The following SLC39A12 variants were observed in gnomAD, a reference collection of about 807,000 sequenced individuals.
SLC39A12 encodes zinc transporter ZIP12.
In SLC39A12, 63 loss-of-function variants were observed where a neutral mutation model predicts 71.1. That is an observed-to-expected ratio of 0.89 (90% CI 0.72 to 1.09). The LOEUF is 1.09. SLC39A12 is among the 50% of genes least tolerant of loss of function. SLC39A12 has a pLI of 0.00. For synonymous variants in SLC39A12, 351 were observed against 301.3 expected (o/e 1.16, Z -1.71); for missense variants, 892 against 812.6 (o/e 1.10, Z -1.19).
chr10:17,994,286 A>C (rs1444893293), intron 9 of SLC39A12, among the ~76,000 whole-genome samples: 2 of 152,194 alleles, frequency 1.3e-5, no homozygotes, highest in Non-Finnish European at 2.9e-5. Context: ...TGAACACTCC[A>C]GCTCACTAAT....
chr10:17,972,916 C>A (rs1467208674), intron 4 of SLC39A12, among the ~76,000 whole-genome samples: 1 of 151,794 alleles, frequency 6.6e-6, no homozygotes, highest in African/African-American at 2.4e-5. Flanking sequence ...CATTTTCTTT[C>A]CTTTCTGTCT....
At chr10:17,990,060 C>T (rs879575528) in intron 7 of SLC39A12, among the ~76,000 whole-genome samples, 2 of 152,104 alleles carry the variant, frequency 1.3e-5, no homozygotes, top group Admixed American at 1.3e-4. Context: ...CATGTGATTG[C>T]CTTTTTTAGT....
chr10:17,961,082 A>G (rs1834676635), intron 2 of SLC39A12, among the ~76,000 whole-genome samples: 1 of 152,106 alleles, frequency 6.6e-6, no homozygotes, highest in African/African-American at 2.4e-5. Context: ...GAGGGTGACA[A>G]TTTAGGCTGA....
At chr10:18,012,951 G>C (rs937565375) in intron 12 of SLC39A12, among the ~76,000 whole-genome samples, 1 of 151,426 alleles carries the variant, frequency 6.6e-6, no homozygotes, top group African/African-American at 2.4e-5. Context: ...CATGAGAGCT[G>C]AGTTTATGCT....
chr10:18,034,607 C>A (rs1477560751), intron 12 of SLC39A12, among the ~76,000 whole-genome samples: 2 of 151,562 alleles, frequency 1.3e-5, no homozygotes, highest in African/African-American at 2.4e-5. Context: ...ATCCAATTTG[C>A]CAGTCTGTGT....
intron 12 of SLC39A12, among the ~76,000 whole-genome samples, chr10:18,007,842 A>G (rs1308548780): frequency 6.6e-6 from 1 of 152,166 alleles, no homozygotes; most frequent in Non-Finnish European, 1.5e-5. Context: ...TTTTGTCAGC[A>G]AGGTCTTTAT....
At chr10:17,973,281 C>T (rs1835021673) in intron 4 of SLC39A12, among the ~76,000 whole-genome samples, 1 of 152,072 alleles carries the variant, frequency 6.6e-6, no homozygotes, top group African/African-American at 2.4e-5. Flanking sequence ...GTTTACACAA[C>T]AGTTACAGTG....
chr10:18,019,178 G>A (rs1006814119), intron 12 of SLC39A12, among the ~76,000 whole-genome samples: 2 of 152,004 alleles, frequency 1.3e-5, no homozygotes, highest in Non-Finnish European at 2.9e-5. Context: ...AAATTTGGGG[G>A]CATAGAGTTG....
intron 2 of SLC39A12, among the ~76,000 whole-genome samples, chr10:17,959,912 G>A (rs1554848173): frequency 2.0e-5 from 3 of 152,186 alleles, no homozygotes; most frequent in Non-Finnish European, 4.4e-5. Flanking sequence ...GCTGGGGCTT[G>A]TGAACGAAAT....
intron 5 of SLC39A12, 118 bp from the exon 6 acceptor site, chr10:17,981,194 C>A: frequency 1.2e-6 from 1 of 820,752 alleles, no homozygotes; most frequent in Non-Finnish European, 1.9e-6. Flanking sequence ...GTCGTACCGG[C>A]TTCATGTGTG....
chr10:17,999,567 ACAG>A (rs1465521762), intron 10 of SLC39A12, among the ~76,000 whole-genome samples: 5 of 142,616 alleles, frequency 3.5e-5, no homozygotes. Context: ...AACTTTCAGA[ACAG>A]AAGTTCTGTC....
intron 8 of SLC39A12, among the ~76,000 whole-genome samples, chr10:17,992,804 G>A (rs771824759): frequency 3.9e-5 from 6 of 152,144 alleles, no homozygotes; most frequent in East Asian, 1.9e-4. Context: ...AAAGGAATAC[G>A]TATGTTTTAG....
rs375148755 is a variant in SLC39A12, at chr10:17,953,322, C to G, written c.46C>G (p.Leu16Val). 52 of 1,614,096 alleles carry G rather than the reference C, an allele frequency of 3.2e-5. No homozygotes were observed. The highest frequency in any genetic ancestry group is 4.4e-5 in the Non-Finnish European group (52 of 1,180,038). Residue 16 changes from leucine to valine, a missense_variant, in exon 2 of 13, where the codon CTT becomes GTT. Leu to Val is a conservative substitution (Grantham distance 32, BLOSUM62 1). Transcript: ENST00000377369. Reference protein sequence around the residue: ...KLSVSWVPLFLLLSRVFSTET... With the variant: ...KLSVSWVPLFVLLSRVFSTET... ...CTCAGTATCCTGGGTGCCATTGTTT[C>G]TTCTACTCAGCCGTGTTTTTTCTAC...
chr10:18,029,291 C>G (rs775314113), intron 12 of SLC39A12, among the ~76,000 whole-genome samples: 18 of 152,146 alleles, frequency 1.2e-4, no homozygotes, highest in Non-Finnish European at 2.4e-4. Flanking sequence ...GTGGATAAGT[C>G]GTAGTTTGTG....
At chr10:18,023,528 A>T (rs898675746) in intron 12 of SLC39A12, among the ~76,000 whole-genome samples, 2 of 152,060 alleles carry the variant, frequency 1.3e-5, no homozygotes, top group Admixed American at 1.3e-4. Flanking sequence ...ATGGAGTGAC[A>T]CAAAGCCACT....
intron 12 of SLC39A12, chr10:18,010,646 T>C (rs1475876949): frequency 6.6e-6 from 1 of 152,198 alleles, no homozygotes; most frequent in Non-Finnish European, 1.5e-5. Flanking sequence ...CTGAATTCTC[T>C]CTATAATTAA....
At chr10:18,020,128 T>A (rs534600899) in intron 12 of SLC39A12, among the ~76,000 whole-genome samples, 20 of 152,158 alleles carry the variant, frequency 1.3e-4, no homozygotes, top group Non-Finnish European at 2.2e-4. Context: ...GGTTTTACAA[T>A]CCTCACCCTC....
chr10:18,017,589 T>A (rs902367805), intron 12 of SLC39A12, among the ~76,000 whole-genome samples: 1 of 152,232 alleles, frequency 6.6e-6, no homozygotes, highest in Non-Finnish European at 1.5e-5. Context: ...GTGTCTAGAT[T>A]CACTTTTTTT....
chr10:18,000,128 G>T (rs1835791202), intron 10 of SLC39A12, among the ~76,000 whole-genome samples: 1 of 152,126 alleles, frequency 6.6e-6, no homozygotes, highest in Admixed American at 6.5e-5. Context: ...GTTGTAGATG[G>T]CGCCTTCCTG....
Sources: gnomAD v4.1 joint callset for allele counts (sites outside exome capture counted in the v4.1 genomes callset) on GRCh38, gnomAD v4.1.1 for gene constraint, MANE v1.5 for transcripts, NCBI Gene and HGNC (gene_info 2026-07-23, HGNC 2026-07-21) for gene names.